The following TMEM209 variants were observed in gnomAD, a reference collection of about 807,000 sequenced individuals.
TMEM209 encodes the protein testicular tissue protein Li 202.
Under a neutral mutation model 76.2 loss-of-function variants are expected in TMEM209, and 65 were observed. The ratio of observed to expected loss-of-function variants is 0.85; its 90% CI spans 0.70 to 1.05. The LOEUF (loss-of-function observed/expected upper bound fraction) is 1.05. TMEM209 is among the 50% of genes least tolerant of loss of function. TMEM209 has a pLI of 0.00. For missense variants in TMEM209, 623 were observed against 685.5 expected, an observed-to-expected ratio of 0.91 and a Z score of 1.02; for synonymous variants, 239 against 237.6, an observed-to-expected ratio of 1.01 and a Z score of -0.06.
rs150062878 is a variant in TMEM209, at chr7:130,171,654, T to C, written c.1558-1181A>G. On this transcript the variant is annotated intron_variant, in intron 13 of 14. Transcript: ENST00000397622. Reference sequence around the variant, plus strand: ...TGATAGACAGCACAATTTATTATTATAGCCAATGTAAAATTTCTTAGTAAA... The same window carrying C: ...TGATAGACAGCACAATTTATTATTACAGCCAATGTAAAATTTCTTAGTAAA... 3.6e-3 allele frequency among the ~76,000 whole-genome samples: 548 copies of C among 152,326 alleles called. 3 individuals carry two copies. Among genetic ancestry groups the C allele is most frequent in the African/African-American group, 0.013 (532 of 41,564 alleles).
rs201394089 is a variant in TMEM209 at position 130,201,868 on chromosome 7, G to T, written c.555C>A (p.Pro185=). 3 of 1,613,816 alleles carry T rather than the reference G, an allele frequency of 1.9e-6. No homozygotes were observed. The highest frequency in any genetic ancestry group is 1.1e-5 in the South Asian group (1 of 91,058). The change falls in exon 5 of 15, where the codon CCC becomes CCA. Residue 185 remains proline, a synonymous_variant. Coordinates refer to ENST00000397622, the MANE Select transcript of TMEM209 (RefSeq NM_032842.4). ...GSYSPGVTYS[P]VSGYNKLASF... ...TCATTACCTTATTATAACCACTGAC[G>T]GGCGAGTAGGTCACTCCAGGGCTAT...
chr7:130,203,468 G>C (rs1052317153), intron 3 of TMEM209, among the ~76,000 whole-genome samples: 1 of 152,174 alleles, frequency 6.6e-6, no homozygotes, highest in African/African-American at 2.4e-5. Context: ...AATCTGGGCT[G>C]GTCTTGAAAA....
intron 10 of TMEM209, among the ~76,000 whole-genome samples, 160 bp from the exon 11 acceptor site, chr7:130,175,769 C>A (rs1797215471): frequency 1.3e-5 from 2 of 152,000 alleles, no homozygotes; most frequent in Non-Finnish European, 2.9e-5. Context: ...AAAAGTTAAA[C>A]ATGTCCCTGA....
At chr7:130,185,103 G>C (rs570869407) in intron 7 of TMEM209, 89 bp downstream of exon 7, 1 of 1,395,912 alleles carries the variant, frequency 7.2e-7, no homozygotes, top group Non-Finnish European at 9.6e-7. Flanking sequence ...CAACAGAATG[G>C]AAGATTACAG....
chr7:130,167,157 C>T (rs1796908426), intron 14 of TMEM209, among the ~76,000 whole-genome samples: 1 of 152,084 alleles, frequency 6.6e-6, no homozygotes, highest in Non-Finnish European at 1.5e-5. Flanking sequence ...AGAGTAATAA[C>T]TGAAGAAAAA....
chr7:130,189,950 G>C (rs934095436), intron 6 of TMEM209, among the ~76,000 whole-genome samples: 2 of 152,158 alleles, frequency 1.3e-5, no homozygotes, highest in South Asian at 4.1e-4. Flanking sequence ...GCTAGCCAGG[G>C]AAAACACAAA....
At chr7:130,199,194 T>C (rs1798099663) in intron 5 of TMEM209, among the ~76,000 whole-genome samples, 1 of 152,200 alleles carries the variant, frequency 6.6e-6, no homozygotes, top group South Asian at 2.1e-4. Context: ...TATGCTTTCC[T>C]GATATGCCTT....
chr7:130,194,900 T>C (rs1173229197), intron 5 of TMEM209, among the ~76,000 whole-genome samples: 1 of 152,214 alleles, frequency 6.6e-6, no homozygotes, highest in African/African-American at 2.4e-5. Context: ...AGTCTTGTAA[T>C]TGTTAAATGC....
chr7:130,201,760 C>A, intron 5 of TMEM209, 90 bp downstream of exon 5: 1 of 1,503,228 alleles, frequency 6.7e-7, no homozygotes, highest in Non-Finnish European at 9.0e-7. Context: ...TCTCAGTTTG[C>A]TCACTGATAA....
intron 1 of TMEM209, among the ~76,000 whole-genome samples, chr7:130,204,587 G>A (rs1377779193): frequency 6.6e-6 from 1 of 152,122 alleles, no homozygotes; most frequent in Admixed American, 6.5e-5. Context: ...TGATCCACCC[G>A]CCTCGGCCTC....
Position 130,205,403 on chromosome 7 carries a change from C to A in TMEM209, c.-28G>T. On this transcript the variant is annotated 5_prime_UTR_variant, in exon 1 of 15. Coordinates refer to ENST00000397622, the MANE Select transcript of TMEM209 (RefSeq NM_032842.4). ...CCTCTGGCCGGAAAACGCAGGCTCG[C>A]GCCACTCTCTCTGGGCATGCGCAAA... The A allele has an allele frequency of 6.2e-7, 1 of 1,613,680 alleles. No homozygotes were observed. Among genetic ancestry groups the A allele is most frequent in the Admixed American group, 1.7e-5 (1 of 60,014 alleles).
At chr7:130,176,709 G>A (rs1321791507) in intron 10 of TMEM209, among the ~76,000 whole-genome samples, 2 of 151,986 alleles carry the variant, frequency 1.3e-5, no homozygotes, top group African/African-American at 4.8e-5. Flanking sequence ...AAGGTGAATG[G>A]GAAGCATATA....
chr7:130,205,285 G>C (rs1049796883), intron 1 of TMEM209, 88 bp downstream of exon 1: 4 of 1,612,318 alleles, frequency 2.5e-6, no homozygotes, highest in Non-Finnish European at 3.4e-6. Context: ...CCCCTTGGCT[G>C]AACCCAGGAC....
Position 130,201,984 on chromosome 7 carries a change from A to T in TMEM209, c.439T>A (p.Ser147Thr), listed in dbSNP as rs1345494831. The stretch of plus-strand genomic sequence containing the variant: ...GTGAACTTGGGACTGGTACTGGGCG[A>T]ACGAGAAGGGCTATAACTCAACACA... ...QSVLSYSPSRSPSTSPKFTTS... is the reference protein window; with the variant it reads ...QSVLSYSPSRTPSTSPKFTTS... Residue 147 changes from serine (S) to threonine (T), a missense_variant, in exon 5 of 15, where the codon TCG (serine) becomes ACG (threonine). Ser to Thr is a moderately conservative substitution (Grantham distance 58). Transcript: ENST00000397622. 6.2e-7 allele frequency: 1 copy of T among 1,613,960 alleles called. No individual in the cohort carries two copies. Among genetic ancestry groups the T allele is most frequent in the Non-Finnish European group, 8.5e-7 (1 of 1,179,888 alleles).
At position 130,201,938 on chromosome 7, in the gene TMEM209, T is replaced by C. The variant is rs1394526899; in HGVS notation, c.485A>G (p.Tyr162Cys). Residue 162 changes from tyrosine (Y) to cysteine (C), a missense_variant, in exon 5 of 15, where the codon TAC (tyrosine) becomes TGC (cysteine). By Grantham distance (194) the Tyr-to-Cys change is radical. Transcript: ENST00000397622. ...GGACAGACCTTGCAGCTGAGGGCTGTAACCAGTCATACAGCTGGTGGTGAA... is the reference window on the plus strand; with the variant it reads ...GGACAGACCTTGCAGCTGAGGGCTGCAACCAGTCATACAGCTGGTGGTGAA... ...PKFTTSCMTG[Y>C]SPQLQGLSSG... 6.2e-7 allele frequency: 1 copy of C among 1,613,958 alleles called. No individual in the cohort carries two copies. The highest frequency in any genetic ancestry group is 8.5e-7 in the Non-Finnish European group (1 of 1,179,882).
intron 11 of TMEM209, 80 bp downstream of exon 11, chr7:130,175,432 A>T: frequency 1.5e-6 from 2 of 1,357,532 alleles, no homozygotes; most frequent in Non-Finnish European, 2.0e-6. Context: ...ACTGCACTAC[A>T]GCCTGGGTGA....
chr7:130,202,351 T>C (rs573394617), intron 4 of TMEM209, among the ~76,000 whole-genome samples, 181 bp downstream of exon 4: 17 of 152,334 alleles, frequency 1.1e-4, no homozygotes, highest in Non-Finnish European at 2.4e-4. Context: ...CAAACTTCCA[T>C]GAAATAGCTG....
At chr7:130,182,296 A>G (rs1408502268) in intron 8 of TMEM209, among the ~76,000 whole-genome samples, 2 of 152,166 alleles carry the variant, frequency 1.3e-5, no homozygotes, top group African/African-American at 4.8e-5. Context: ...AAAAAAAAAT[A>G]TAAAACTTTT....
chr7:130,204,067 G>T lies in TMEM209; in HGVS notation c.47C>A (p.Thr16Asn), dbSNP rs367876336. ...AHPSASLIDR[T>N]IKMRKETEAR... ...CTCTGTTTCTTTTCTCATCTTGATG[G>T]TTCTGTCAATAAGGGAAGCACTAGG... The change falls in exon 2 of 15, where the codon ACC becomes AAC. Residue 16 changes from threonine (T) to asparagine (N), a missense_variant. Physicochemically the swap from Thr to Asn is moderately conservative, Grantham distance 65 (BLOSUM62 0). Coordinates refer to ENST00000397622, the MANE Select transcript of TMEM209 (RefSeq NM_032842.4). 7 of 1,612,690 alleles carry T rather than the reference G, an allele frequency of 4.3e-6. No individual in the cohort carries two copies. The African/African-American group carries it at 9.4e-5, about 22-fold the overall frequency.
Sources: gnomAD v4.1 joint callset for allele counts (sites outside exome capture counted in the v4.1 genomes callset) on GRCh38, gnomAD v4.1.1 for gene constraint, MANE v1.5 for transcripts, NCBI Gene and HGNC (gene_info 2026-07-23, HGNC 2026-07-21) for gene names.